SEC16A: variants seen among roughly 807,000 people sequenced by gnomAD.
SEC16A encodes the protein protein transport protein Sec16A.
A neutral mutation model predicts 221.9 loss-of-function variants in SEC16A; 110 were observed. The observed-to-expected ratio is 0.50, with a 90% CI of 0.42 to 0.58. The LOEUF (loss-of-function observed/expected upper bound fraction) is 0.58, where lower values mean the gene tolerates loss of function less well. Ranked by LOEUF, SEC16A falls within the 20% of genes least tolerant of loss-of-function variation. The pLI is 0.00. For missense variants in SEC16A, 3,165 were observed against 3,097.8 expected (o/e 1.02, Z -0.52); for synonymous variants, 1,393 against 1,257.7 (o/e 1.11, Z -2.28).
In SEC16A at chr9:136,447,863, G is replaced by A. The variant is rs747693132; in HGVS notation, c.6437C>T (p.Pro2146Leu). ...AGAATGACAATTTACCTCCTCTTCT[G>A]GCTCATTTAAATTCACCCACTGGTT... is the stretch of plus-strand genomic sequence containing the variant. ...KKNQWVNLNE[P>L]EEEKKAPPPP... The change falls in exon 25 of 32, where the codon CCA becomes CTA. Residue 2146 changes from proline (P) to leucine (L), a missense_variant. Physicochemically the swap from Pro to Leu is moderately conservative, Grantham distance 98 (BLOSUM62 -3). Coordinates refer to ENST00000684901, the MANE Select transcript of SEC16A (RefSeq NM_014866.2). This position sits in a 1 kb window ranked among gnomAD's most constrained non-coding sequence, Gnocchi z 5.5. 2 of 1,609,558 alleles carry A rather than the reference G, an allele frequency of 1.2e-6. No individual in the cohort carries two copies. Among genetic ancestry groups the A allele is most frequent in the African/African-American group, 2.7e-5 (2 of 74,850 alleles).
chr9:136,483,739 T>C (rs1490796927), upstream of SEC16A: 4 of 985,092 alleles, frequency 4.1e-6, no homozygotes, highest in Admixed American at 1.8e-4. Flanking sequence ...CGCGGGGCCC[T>C]GACGCGGGCG....
At chr9:136,467,709 G>A (rs1411458023) in intron 5 of SEC16A, among the ~76,000 whole-genome samples, 3 of 152,158 alleles carry the variant, frequency 2.0e-5, no homozygotes, top group African/African-American at 7.2e-5. Flanking sequence ...GTTCTTAAAA[G>A]GTCTTTTATC....
chr9:136,483,104 C>A, upstream of SEC16A: 1 of 816,822 alleles, frequency 1.2e-6, no homozygotes, highest in African/African-American at 1.8e-5. Flanking sequence ...GCGCGCGCCC[C>A]GCCCCTGGCC....
At chr9:136,472,583 G>T (rs183197100) in intron 3 of SEC16A, among the ~76,000 whole-genome samples, 15 of 152,350 alleles carry the variant, frequency 9.8e-5, no homozygotes, top group African/African-American at 3.6e-4. Flanking sequence ...GGGTCCCAGT[G>T]AACAGAGCCC....
rs977161528 is a variant in SEC16A at position 136,467,472 on chromosome 9, G to A, written c.3803-389C>T. Among the ~76,000 whole-genome samples, 15 of 152,292 alleles carry A rather than the reference G, an allele frequency of 9.8e-5. 1 individual carries two copies. Among genetic ancestry groups the A allele is most frequent in the Admixed American group, 9.8e-4 (15 of 15,298 alleles). On this transcript the variant is annotated intron_variant, in intron 5 of 31. Coordinates refer to ENST00000684901, the MANE Select transcript of SEC16A (RefSeq NM_014866.2). ...CTCCCACACCTCAGCCTCCCTAAGT[G>A]CTGGGATCACAGGTGTGAGCCACTG...
At chr9:136,444,039 TTGCAACAC>T in intron 30 of SEC16A, 139 bp from the exon 31 acceptor site, 1 of 571,684 alleles carries the variant, frequency 1.7e-6, no homozygotes, top group Non-Finnish European at 3.1e-6. Flanking sequence ...AAGACACTTC[TTGCAACAC>T]TGGATTTAGT....
In SEC16A at chr9:136,457,882, G is replaced by A. The variant is rs115595921; in HGVS notation, c.5410-298C>T. ...GCCACTCGGCTCTCACAGTCACAAC[G>A]CCCCAAGAGCACGGCACTGAGACCA... On this transcript the variant is annotated intron_variant, in intron 17 of 31. Transcript: ENST00000684901. 5.6e-3 allele frequency among the ~76,000 whole-genome samples: 850 copies of A among 152,228 alleles called. 11 individuals carry two copies. The highest frequency in any genetic ancestry group is 0.019 in the African/African-American group (804 of 41,548).
intron 12 of SEC16A, among the ~76,000 whole-genome samples, chr9:136,461,506 T>C (rs1419938897): frequency 2.0e-5 from 3 of 152,180 alleles, no homozygotes; most frequent in African/African-American, 7.2e-5. Flanking sequence ...CTTTTATCCA[T>C]TTTCAGCATA....
intron 4 of SEC16A, among the ~76,000 whole-genome samples, chr9:136,469,420 T>C (rs1030317969): frequency 1.3e-5 from 2 of 152,196 alleles, no homozygotes; most frequent in African/African-American, 4.8e-5. Context: ...GTTAGTACAA[T>C]GATCAAGTAT....
chr9:136,484,574 G>T (rs1463071922), upstream of SEC16A: 3 of 1,335,164 alleles, frequency 2.2e-6, no homozygotes, highest in Middle Eastern at 2.2e-4. Flanking sequence ...ATCGCGGGAG[G>T]CTGAGCTCCC....
Position 136,441,552 on chromosome 9 carries a change from T to A in SEC16A, c.*203A>T. On this transcript the variant is annotated 3_prime_UTR_variant, in exon 32 of 32. Transcript: ENST00000684901. ...CTGAGTCAAAGATTCAGTCTTTCCATCCAGAATCTGAAAGGATGGTGGAAT... is the reference window on the plus strand; with the variant it reads ...CTGAGTCAAAGATTCAGTCTTTCCAACCAGAATCTGAAAGGATGGTGGAAT... 1.7e-6 allele frequency: 1 copy of A among 580,022 alleles called. No homozygotes were observed. Among genetic ancestry groups the A allele is most frequent in the East Asian group, 2.8e-5 (1 of 35,832 alleles). 35.9% of individuals were successfully genotyped at this position (580,022 alleles called of 1,614,324 possible).
At position 136,447,006 on chromosome 9, in the gene SEC16A, A is replaced by G; in HGVS notation, c.6698-57T>C. On this transcript the variant is annotated intron_variant, in intron 27 of 31. Transcript: ENST00000684901. This position sits in a 1 kb window ranked among gnomAD's most constrained non-coding sequence, Gnocchi z 5.5. ...CCGTCCCGAACGTCCCTGGGGTCTC[A>G]CTGAAGACACTCCGAGAGGAAGAGA... 1.2e-6 allele frequency: 2 copies of G among 1,610,442 alleles called. No homozygotes were observed. The highest frequency in any genetic ancestry group is 1.7e-6 in the Non-Finnish European group (2 of 1,178,840).
At position 136,466,195 on chromosome 9, in the gene SEC16A, G is replaced by C; in HGVS notation, c.4129-59C>G. 1.3e-6 allele frequency: 2 copies of C among 1,568,490 alleles called. No individual in the cohort carries two copies. The highest frequency in any genetic ancestry group is 1.7e-6 in the Non-Finnish European group (2 of 1,154,606). On this transcript the variant is annotated intron_variant, in intron 7 of 31. Coordinates refer to ENST00000684901, the MANE Select transcript of SEC16A (RefSeq NM_014866.2). The surrounding 1 kb of genome is among the most constrained non-coding windows in gnomAD (Gnocchi z 5.5). ...CCCCAGGCACAGCAGTAAAACTTTA[G>C]GTACATTGCAAACAGGATGGTGGTT... is the stretch of plus-strand genomic sequence containing the variant.
chr9:136,472,093 C>T lies in SEC16A; in HGVS notation c.3586G>A (p.Glu1196Lys), dbSNP rs753227726. ...LYYQDVYSLY[E>K]PRYRPYDGAA... ...CCATCATAGGGCCTGTATCGAGGCTCATAGAGGCTGTAGACATCCTGTGGG... is the reference window on the plus strand; with the variant it reads ...CCATCATAGGGCCTGTATCGAGGCTTATAGAGGCTGTAGACATCCTGTGGG... The change falls in exon 4 of 32, where the codon GAG becomes AAG. Residue 1196 changes from glutamate (E) to lysine (K), a missense_variant. Glu to Lys is a moderately conservative substitution (Grantham distance 56). Transcript: ENST00000684901. 6.2e-7 allele frequency: 1 copy of T among 1,613,750 alleles called. No individual in the cohort carries two copies. The highest frequency in any genetic ancestry group is 1.1e-5 in the South Asian group (1 of 91,086).
chr9:136,450,838 C>T (rs773703232), intron 23 of SEC16A, among the ~76,000 whole-genome samples: 1 of 152,186 alleles, frequency 6.6e-6, no homozygotes, highest in South Asian at 2.1e-4. Context: ...CAAGCGCATT[C>T]GCCAATAGAT....
Position 136,459,174 on chromosome 9 carries a change from T to C in SEC16A, c.5369A>G (p.Gln1790Arg), listed in dbSNP as rs1400785161. The part of the protein sequence containing the change: ...IQRTEAYEYA[Q>R]SLGAETCPLP... ...GGGGCAGGTCTCGGCACCCAGGGAC[T>C]GGGCGTACTCATAGGCTTCCGTCCT... Residue 1790 changes from glutamine (Q) to arginine (R), a missense_variant, in exon 17 of 32, where the codon CAG (glutamine) becomes CGG (arginine). By Grantham distance (43) the Gln-to-Arg change is conservative. This residue lies in a region of SEC16A where 1,088 missense variants were observed against 1,089.6 expected (regional missense o/e 1.00). Coordinates refer to ENST00000684901, the MANE Select transcript of SEC16A (RefSeq NM_014866.2). This position sits in a 1 kb window ranked among gnomAD's most constrained non-coding sequence, Gnocchi z 6.1. 6 of 1,613,426 alleles carry C rather than the reference T, an allele frequency of 3.7e-6. No homozygotes were observed. The Admixed American group carries it at 5.0e-5, about 13-fold the overall frequency.
intron 29 of SEC16A, 76 bp downstream of exon 29, chr9:136,445,569 A>T: frequency 1.8e-6 from 2 of 1,114,396 alleles, no homozygotes; most frequent in Non-Finnish European, 2.6e-6. Context: ...GCCCCTCCAT[A>T]AAGGAAGAGG....
At chr9:136,450,953 A>G (rs1431485639) in intron 23 of SEC16A, among the ~76,000 whole-genome samples, 1 of 152,184 alleles carries the variant, frequency 6.6e-6, no homozygotes, top group Admixed American at 6.5e-5. Context: ...GCAGGCACAC[A>G]CCACAGTGAC....
intron 8 of SEC16A, among the ~76,000 whole-genome samples, chr9:136,465,057 C>CA (rs1361063014): frequency 6.6e-6 from 1 of 152,134 alleles, no homozygotes; most frequent in African/African-American, 2.4e-5. Flanking sequence ...ACCCAGGAGA[C>CA]AGAGACCATG....
Sources: allele counts gnomAD v4.1 joint callset (sites outside exome capture counted in the v4.1 genomes callset), GRCh38; gene constraint gnomAD v4.1.1; regional missense constraint gnomAD v4.1.1; non-coding constraint Gnocchi (gnomAD v3.1); transcripts MANE v1.5; gene names NCBI Gene and HGNC (gene_info 2026-07-23, HGNC 2026-07-21).